Variants in ANO3 observed in about 807,000 individuals in gnomAD.
The protein encoded by ANO3 is anoctamin 3.
Under a neutral mutation model 144.8 loss-of-function variants are expected in ANO3, and 99 were observed. The ratio of observed to expected loss-of-function variants is 0.68; its 90% CI spans 0.58 to 0.81. The LOEUF is 0.81. Among genes scored for constraint, ANO3 ranks in the 30% least tolerant of loss-of-function variants. The pLI, the probability that ANO3 is intolerant of heterozygous loss-of-function variation, is 0.00. For missense variants in ANO3, 905 were observed against 1,202.2 expected (o/e 0.75, Z 3.66); for synonymous variants, 414 against 392.6 (o/e 1.05, Z -0.64).
chr11:26,598,357 T>C lies in ANO3; in HGVS notation c.1448-8T>C. ...TGGGTAAAGAATTATCATTTTTATA[T>C]TTTATAGCCACAGTCTTCCTGGAGT... On this transcript the variant is annotated splice_region_variant and splice_polypyrimidine_tract_variant and intron_variant, in intron 14 of 26. Coordinates refer to ENST00000256737, the MANE Select transcript of ANO3 (RefSeq NM_031418.4). 4 of 1,491,360 alleles carry C rather than the reference T, an allele frequency of 2.7e-6. No homozygotes were observed. The South Asian group carries it at 4.3e-5, about 16-fold the overall frequency. 92.4% of individuals were successfully genotyped at this position (1,491,360 alleles called of 1,614,324 possible).
At chr11:26,572,247 T>G in intron 14 of ANO3, 1 of 985,324 alleles carries the variant, frequency 1.0e-6, no homozygotes, top group South Asian at 4.7e-5. Context: ...CTGACCTGCT[T>G]CTCAGCTGTA....
chr11:26,346,824 T>C (rs1855508324), intron 1 of ANO3, among the ~76,000 whole-genome samples: 1 of 152,230 alleles, frequency 6.6e-6, no homozygotes, highest in Non-Finnish European at 1.5e-5. Flanking sequence ...TTGCCAATCA[T>C]TTTTATTGAA....
At chr11:26,628,174 ACTGT>A (rs1449648791) in intron 18 of ANO3, among the ~76,000 whole-genome samples, 1 of 152,070 alleles carries the variant, frequency 6.6e-6, no homozygotes, top group Non-Finnish European at 1.5e-5. Context: ...TTAATAATGA[ACTGT>A]CTATGTTAAA....
rs533560412 is a variant in ANO3 at position 26,443,859 on chromosome 11, C to T, written c.313+23C>T. 6 of 1,531,286 alleles carry T rather than the reference C, an allele frequency of 3.9e-6. No individual in the cohort carries two copies. In the African/African-American group the frequency reaches 8.2e-5, roughly 21 times the overall value. 94.9% of individuals were successfully genotyped at this position (1,531,286 alleles called of 1,614,324 possible). A position where few individuals can be genotyped will look rare whatever the true frequency, so the allele number is the denominator to read the frequency against. ...TGGGTAAGTTGATAATCAGTATTTA[C>T]CTACTCCTTTCCCTCTCTCCAAAGG... On this transcript the variant is annotated intron_variant, in intron 3 of 26. Transcript: ENST00000256737.
chr11:26,621,118 C>T (rs929209501), intron 17 of ANO3, among the ~76,000 whole-genome samples: 3 of 152,116 alleles, frequency 2.0e-5, no homozygotes, highest in African/African-American at 4.8e-5. Flanking sequence ...GCCTAATATG[C>T]CCCCTCACAA....
chr11:26,492,885 A>T (rs910260822), intron 4 of ANO3, among the ~76,000 whole-genome samples: 3 of 152,242 alleles, frequency 2.0e-5, no homozygotes, highest in Non-Finnish European at 4.4e-5. Flanking sequence ...GTTAAGAAGC[A>T]AAACCAGAAT....
chr11:26,203,429 G>A (rs1851735795), intron 1 of ANO3, among the ~76,000 whole-genome samples: 1 of 152,032 alleles, frequency 6.6e-6, no homozygotes, highest in South Asian at 2.1e-4. Context: ...GTTTTACATG[G>A]CACAGGAGCC....
intron 1 of ANO3, among the ~76,000 whole-genome samples, chr11:26,225,502 A>G (rs1852238938): frequency 6.6e-6 from 1 of 152,052 alleles, no homozygotes; most frequent in African/African-American, 2.4e-5. Context: ...CATGCTCTCT[A>G]CTAGCCTCTT....
chr11:26,327,111 G>T (rs1238538764), intron 1 of ANO3, among the ~76,000 whole-genome samples: 3 of 152,134 alleles, frequency 2.0e-5, no homozygotes, highest in African/African-American at 7.2e-5. Context: ...CTTATTACTA[G>T]ATTACTTTCA....
rs147602306 is a variant in ANO3, at chr11:26,487,917, C to T, written c.433-20187C>T. ...GTGCAGTAGCTCACGCCTGTAATCC[C>T]AGTACTTTGGGAGGCCGAGGTGGGC... On this transcript the variant is annotated intron_variant, in intron 4 of 26. Transcript: ENST00000256737. Among the ~76,000 whole-genome samples, 1,109 of 152,256 alleles carry T rather than the reference C, an allele frequency of 7.3e-3. 12 individuals are homozygous for T. The highest frequency in any genetic ancestry group is 0.024 in the African/African-American group (1,013 of 41,548).
intron 1 of ANO3, among the ~76,000 whole-genome samples, chr11:26,212,232 A>T (rs896573565): frequency 2.0e-5 from 3 of 151,970 alleles, no homozygotes; most frequent in Admixed American, 1.3e-4. Flanking sequence ...AAAGAACTAG[A>T]AAAGCAAGAG....
intron 1 of ANO3, among the ~76,000 whole-genome samples, chr11:26,267,416 G>A (rs932166618): frequency 6.6e-6 from 1 of 152,054 alleles, no homozygotes; most frequent in Non-Finnish European, 1.5e-5. Flanking sequence ...CTTCTATAGA[G>A]GATTCATAGT....
At chr11:26,496,909 T>C (rs1023020081) in intron 4 of ANO3, among the ~76,000 whole-genome samples, 1 of 151,308 alleles carries the variant, frequency 6.6e-6, no homozygotes, top group Non-Finnish European at 1.5e-5. Flanking sequence ...TATGTGTCTG[T>C]AGATTTATAT....
chr11:26,647,666 AT>A, intron 23 of ANO3, 42 bp from the exon 24 acceptor site: 2 of 1,555,948 alleles, frequency 1.3e-6, no homozygotes, highest in East Asian at 2.3e-5. Context: ...GGGTTTTCAT[AT>A]TCTTCATTTT....
intron 1 of ANO3, among the ~76,000 whole-genome samples, chr11:26,247,752 G>A (rs1467244969): frequency 1.3e-4 from 9 of 67,626 alleles, no homozygotes; most frequent in Middle Eastern, 0.014. Flanking sequence ...TTTTTGAGAC[G>A]GAGTCTCACA....
intron 1 of ANO3, among the ~76,000 whole-genome samples, chr11:26,321,512 T>C (rs1273180655): frequency 2.6e-5 from 4 of 152,094 alleles, no homozygotes; most frequent in Admixed American, 2.6e-4. Context: ...TCTTCTGATT[T>C]GTTTTTTGAC....
intron 1 of ANO3, among the ~76,000 whole-genome samples, chr11:26,296,319 G>A (rs1854086793): frequency 6.6e-6 from 1 of 152,138 alleles, no homozygotes; most frequent in South Asian, 2.1e-4. Flanking sequence ...AATAAGAAAT[G>A]ACAAAACATC....
chr11:26,628,922 A>G (rs1852678876), intron 18 of ANO3, among the ~76,000 whole-genome samples: 1 of 152,118 alleles, frequency 6.6e-6, no homozygotes, highest in Non-Finnish European at 1.5e-5. Flanking sequence ...GTATGATAGG[A>G]CATCTTACAT....
At chr11:26,216,290 A>T (rs2133787908) in intron 1 of ANO3, among the ~76,000 whole-genome samples, 1 of 152,104 alleles carries the variant, frequency 6.6e-6, no homozygotes, top group East Asian at 1.9e-4. Context: ...ACTATGTTGA[A>T]TATCCACTGG....
Sources: allele counts gnomAD v4.1 joint callset (sites outside exome capture counted in the v4.1 genomes callset), GRCh38; gene constraint gnomAD v4.1.1; transcripts MANE v1.5; gene names NCBI Gene and HGNC (gene_info 2026-07-23, HGNC 2026-07-21).